SLC5A8: variants seen among roughly 807,000 people sequenced by gnomAD.
SLC5A8 encodes solute carrier family 5 member 8, also known as sodium-coupled monocarboxylate transporter 1.
In SLC5A8, 55 loss-of-function variants were observed where a neutral mutation model predicts 71.9. The observed-to-expected ratio is 0.77, with a 90% CI of 0.62 to 0.96. The LOEUF is 0.96. Ranked by LOEUF, SLC5A8 falls within the 40% of genes least tolerant of loss-of-function variation. The pLI is 0.00. For synonymous variants in SLC5A8, 307 were observed against 276.1 expected (o/e 1.11, Z -1.11); for missense variants, 701 against 745.3 (o/e 0.94, Z 0.69).
intron 2 of SLC5A8, among the ~76,000 whole-genome samples, chr12:101,203,660 T>C (rs1166608643): frequency 1.3e-5 from 2 of 152,258 alleles, no homozygotes; most frequent in East Asian, 3.8e-4. Flanking sequence ...AGGTAGCTTT[T>C]GATTGGAGAA....
chr12:101,173,904 C>T (rs537751744), intron 10 of SLC5A8, among the ~76,000 whole-genome samples: 12 of 152,262 alleles, frequency 7.9e-5, no homozygotes, highest in East Asian at 5.8e-4. Context: ...CTCTTCAAGC[C>T]GGGGCATCCT....
intron 12 of SLC5A8, among the ~76,000 whole-genome samples, chr12:101,164,061 T>C (rs954792439): frequency 6.6e-6 from 1 of 152,142 alleles, no homozygotes; most frequent in Non-Finnish European, 1.5e-5. Flanking sequence ...TAGACAAGGA[T>C]TTCTTAAACA....
chr12:101,202,633 T>C (rs1342461261), intron 2 of SLC5A8, among the ~76,000 whole-genome samples: 3 of 152,014 alleles, frequency 2.0e-5, no homozygotes, highest in Non-Finnish European at 1.5e-5. Flanking sequence ...ATCAAGAAAA[T>C]AGTAAAAATT....
At chr12:101,164,772 T>G (rs556034690) in intron 12 of SLC5A8, among the ~76,000 whole-genome samples, 1 of 152,348 alleles carries the variant, frequency 6.6e-6, no homozygotes, top group Non-Finnish European at 1.5e-5. Flanking sequence ...CATGATATCC[T>G]GTGAATATTA....
chr12:101,161,461 T>A (rs2051722508), intron 13 of SLC5A8, among the ~76,000 whole-genome samples: 1 of 152,154 alleles, frequency 6.6e-6, no homozygotes, highest in Non-Finnish European at 1.5e-5. Context: ...ATGAACACAC[T>A]TTTTAAAAAA....
Position 101,187,390 on chromosome 12 carries a change from T to C in SLC5A8, c.959A>G (p.Asp320Gly), listed in dbSNP as rs760878666. The change falls in exon 7 of 15, where the codon GAC becomes GGC. Residue 320 changes from aspartate (D) to glycine (G), a missense_variant. Coordinates refer to ENST00000536262, the MANE Select transcript of SLC5A8 (RefSeq NM_145913.5). ...PWTAKKVSAP[D>G]QLMPYLVLDI... is the part of the protein sequence containing the mutation. Reference sequence around the variant, plus strand: ...AAGAAAGACATGGTACTGAACCTGGTCTGGTGCAGACACTTTCTTGGCTGT... The same window carrying C: ...AAGAAAGACATGGTACTGAACCTGGCCTGGTGCAGACACTTTCTTGGCTGT... The C allele has an allele frequency of 1.2e-6, 2 of 1,613,342 alleles. No individual in the cohort carries two copies. Among genetic ancestry groups the C allele is most frequent in the East Asian group, 2.2e-5 (1 of 44,874 alleles).
At chr12:101,165,083 C>T (rs1036527722) in intron 12 of SLC5A8, among the ~76,000 whole-genome samples, 2 of 152,144 alleles carry the variant, frequency 1.3e-5, no homozygotes, top group East Asian at 3.9e-4. Flanking sequence ...TTAGAATTTT[C>T]TGGAAGGCAG....
intron 8 of SLC5A8, 64 bp downstream of exon 8, chr12:101,184,070 T>C: frequency 6.6e-7 from 1 of 1,507,708 alleles, no homozygotes; most frequent in Non-Finnish European, 9.2e-7. Flanking sequence ...CCCGCTAAAG[T>C]ATCTAATAAT....
In SLC5A8 at chr12:101,204,584, T is replaced by A. The variant is rs1164805970; in HGVS notation, c.352-19A>T. ...CTAAATACTGTTGCAAAAAAAAAAATTATGCGAATCCTCTGGATGCCTTTT... is the reference window on the plus strand; with the variant it reads ...CTAAATACTGTTGCAAAAAAAAAAAATATGCGAATCCTCTGGATGCCTTTT... On this transcript the variant is annotated intron_variant, in intron 1 of 14. Transcript: ENST00000536262. The A allele has an allele frequency of 2.5e-5, 38 of 1,511,362 alleles. No homozygotes were observed. Among genetic ancestry groups the A allele is most frequent in the East Asian group, 4.7e-5 (2 of 42,548 alleles). The allele number at this position is 1,511,362 out of a possible 1,614,324, so 93.6% of individuals were successfully genotyped here.
At chr12:101,195,208 A>G (rs1311255124) in intron 3 of SLC5A8, 46 bp from the exon 4 acceptor site, 1 of 1,579,454 alleles carries the variant, frequency 6.3e-7, no homozygotes, top group Admixed American at 1.7e-5. Context: ...AATATGCACA[A>G]TAAAAATAAT....
At position 101,182,851 on chromosome 12, in the gene SLC5A8, A is replaced by G; in HGVS notation, c.1117T>C (p.Phe373Leu). 6.3e-7 allele frequency: 1 copy of G among 1,596,414 alleles called. No homozygotes were observed. Among genetic ancestry groups the G allele is most frequent in the Non-Finnish European group, 8.5e-7 (1 of 1,173,632 alleles). Residue 373 changes from phenylalanine (F) to leucine (L), a missense_variant, in exon 9 of 15, where the codon TTC (phenylalanine) becomes CTC (leucine). Transcript: ENST00000536262. ...VTVEDLIKPYFRSLSERSLSW... is the reference protein window; with the variant it reads ...VTVEDLIKPYLRSLSERSLSW... ...AGAGACCTTTCTGAGAGCGATCTGA[A>G]GTAAGGTTTGATTAGATCTTCCACA...
At chr12:101,202,053 C>G in intron 3 of SLC5A8, 111 bp downstream of exon 3, 1 of 1,046,546 alleles carries the variant, frequency 9.6e-7, no homozygotes, top group Non-Finnish European at 1.4e-6. Context: ...AAAGCTGATG[C>G]AGGTTACTAG....
Position 101,177,430 on chromosome 12 carries a change from C to A in SLC5A8, c.1233+2599G>T, listed in dbSNP as rs1593369674. ...AGCTAGTATAACCCTGCTATCAAAACCAAAGGCAGTATATACACACACACA... is the reference window on the plus strand; with the variant it reads ...AGCTAGTATAACCCTGCTATCAAAAACAAAGGCAGTATATACACACACACA... On this transcript the variant is annotated intron_variant, in intron 10 of 14. Coordinates refer to ENST00000536262, the MANE Select transcript of SLC5A8 (RefSeq NM_145913.5). Among the ~76,000 whole-genome samples the A allele has an allele frequency of 2.1e-5, 3 of 141,466 alleles. 1 individual carries two copies. Among genetic ancestry groups the A allele is most frequent in the African/African-American group, 8.2e-5 (3 of 36,416 alleles). 92.8% of individuals were successfully genotyped at this position (141,466 alleles called of 152,430 possible). A position where few individuals can be genotyped will look rare whatever the true frequency, so the allele number is the denominator to read the frequency against.
intron 3 of SLC5A8, among the ~76,000 whole-genome samples, chr12:101,199,904 T>C (rs1432048119): frequency 1.3e-5 from 2 of 150,452 alleles, no homozygotes; most frequent in Admixed American, 6.6e-5. Flanking sequence ...AGAATGTTCT[T>C]GGCACCCTTA....
chr12:101,183,035 CTTTTTTT>C (rs34182928), intron 8 of SLC5A8, 120 bp from the exon 9 acceptor site: 22 of 74,542 alleles, frequency 3.0e-4, no homozygotes, highest in South Asian at 1.3e-3. Context: ...TTCTACTATG[CTTTTTTT>C]TTTTTTTTTT....
At chr12:101,182,655 A>T in intron 9 of SLC5A8, 148 bp downstream of exon 9, 3 of 549,198 alleles carry the variant, frequency 5.5e-6, no homozygotes, top group Non-Finnish European at 9.4e-6. Flanking sequence ...AACATTTTTT[A>T]AAAATCTGCA....
chr12:101,199,708 T>C (rs1247821417), intron 3 of SLC5A8, among the ~76,000 whole-genome samples: 1 of 151,822 alleles, frequency 6.6e-6, no homozygotes, highest in Non-Finnish European at 1.5e-5. Flanking sequence ...GTAGTGGACA[T>C]GGAAAACGAT....
chr12:101,165,146 C>G (rs968368439), intron 12 of SLC5A8, among the ~76,000 whole-genome samples: 3 of 152,054 alleles, frequency 2.0e-5, no homozygotes, highest in African/African-American at 7.3e-5. Context: ...AAATAAATGG[C>G]CAGCACAGTG....
At position 101,158,258 on chromosome 12, in the gene SLC5A8, A is replaced by G. The variant is rs767146213; in HGVS notation, c.1701T>C (p.Ile567=). The G allele has an allele frequency of 3.8e-6, 6 of 1,584,862 alleles. No individual in the cohort carries two copies. The Admixed American group carries it at 5.1e-5, about 14-fold the overall frequency. Reference sequence around the variant, plus strand: ...ATGAAAGCCAACTCACTTTCTTAAAAATATCAAAATTGGATAAAAAGTCCT... The same window carrying G: ...ATGAAAGCCAACTCACTTTCTTAAAGATATCAAAATTGGATAAAAAGTCCT... ...TKEDFLSNFD[I]FKKKKHVLSY... Residue 567 remains isoleucine (I), a synonymous_variant, in exon 14 of 15, where the codon ATT becomes ATC. Transcript: ENST00000536262.
Sources: gnomAD v4.1 joint callset for allele counts (sites outside exome capture counted in the v4.1 genomes callset) on GRCh38, gnomAD v4.1.1 for gene constraint, MANE v1.5 for transcripts, NCBI Gene and HGNC (gene_info 2026-07-23, HGNC 2026-07-21) for gene names.